The following NR5A2 variants were observed in gnomAD, a reference collection of about 807,000 sequenced individuals.
NR5A2 encodes the protein CYP7A promoter-binding factor.
A neutral mutation model predicts 62.7 loss-of-function variants in NR5A2; 26 were observed. The observed-to-expected ratio is 0.41, with a 90% CI of 0.30 to 0.58. NR5A2 has a LOEUF of 0.58. Ranked by LOEUF, NR5A2 falls within the 20% of genes least tolerant of loss-of-function variation. NR5A2 has a pLI of 0.22. For missense variants in NR5A2, 541 were observed against 669.1 expected (o/e 0.81, Z 2.11); for synonymous variants, 246 against 241.7 (o/e 1.02, Z -0.16).
At chr1:200,073,216 T>A (rs896551544) in intron 5 of NR5A2, among the ~76,000 whole-genome samples, 7 of 145,588 alleles carry the variant, frequency 4.8e-5, no homozygotes, top group African/African-American at 1.5e-4. Context: ...TCTATGACTT[T>A]GGTCAAAGCA....
At chr1:200,069,064 CTG>C (rs1376793863) in intron 5 of NR5A2, among the ~76,000 whole-genome samples, 1 of 152,138 alleles carries the variant, frequency 6.6e-6, no homozygotes, top group African/African-American at 2.4e-5. Flanking sequence ...ATTAGACACT[CTG>C]TGGTTATTCA....
chr1:200,038,755 G>A (rs2102143055), intron 1 of NR5A2: 1 of 1,365,260 alleles, frequency 7.3e-7, no homozygotes, highest in South Asian at 1.1e-5. Flanking sequence ...CTCAGACAGA[G>A]GTCGCTTCTG....
intron 5 of NR5A2, among the ~76,000 whole-genome samples, chr1:200,052,711 G>T (rs1463204505): frequency 2.6e-5 from 4 of 151,368 alleles, no homozygotes; most frequent in East Asian, 3.9e-4. Context: ...GTGCGATCTT[G>T]GCTCATTGCA....
At chr1:200,072,869 T>G (rs1333931623) in intron 5 of NR5A2, among the ~76,000 whole-genome samples, 2 of 152,136 alleles carry the variant, frequency 1.3e-5, no homozygotes, top group African/African-American at 4.8e-5. Flanking sequence ...GCATAGGAAA[T>G]GTTTCTAGCA....
chr1:200,032,735 C>T (rs955108369), intron 1 of NR5A2, among the ~76,000 whole-genome samples: 8 of 152,022 alleles, frequency 5.3e-5, no homozygotes, highest in Admixed American at 5.2e-4. Context: ...ATAAAGTTTA[C>T]TTTGTTAACC....
chr1:200,168,081 T>G (rs1653990292), intron 7 of NR5A2, among the ~76,000 whole-genome samples: 1 of 152,208 alleles, frequency 6.6e-6, no homozygotes. Flanking sequence ...GTGTATACAT[T>G]GTGTATACAC....
chr1:200,033,694 C>G (rs1661632946), intron 1 of NR5A2, among the ~76,000 whole-genome samples: 1 of 152,236 alleles, frequency 6.6e-6, no homozygotes, highest in East Asian at 1.9e-4. Flanking sequence ...CCTTGGCACA[C>G]ACTGTACACC....
At chr1:200,094,166 C>G (rs1329741439) in intron 5 of NR5A2, among the ~76,000 whole-genome samples, 1 of 144,516 alleles carries the variant, frequency 6.9e-6, no homozygotes, top group East Asian at 2.1e-4. Flanking sequence ...GAGACGCTGT[C>G]TCAAAAAAAA....
At chr1:200,083,452 A>G (rs1219892150) in intron 5 of NR5A2, among the ~76,000 whole-genome samples, 2 of 152,226 alleles carry the variant, frequency 1.3e-5, no homozygotes, top group Admixed American at 6.5e-5. Context: ...ATATATGTGT[A>G]CATTTTAAAA....
chr1:200,074,503 C>T (rs906751233), intron 5 of NR5A2, among the ~76,000 whole-genome samples: 4 of 151,492 alleles, frequency 2.6e-5, no homozygotes, highest in African/African-American at 9.7e-5. Flanking sequence ...TTTGGGAGGC[C>T]GAGGCGGGCA....
At chr1:200,120,061 T>C (rs917511756) in intron 6 of NR5A2, among the ~76,000 whole-genome samples, 2 of 152,154 alleles carry the variant, frequency 1.3e-5, no homozygotes, top group African/African-American at 4.8e-5. Flanking sequence ...AGAATAGCAG[T>C]TTTATGTCAT....
intron 5 of NR5A2, among the ~76,000 whole-genome samples, chr1:200,049,795 G>T (rs1662542089): frequency 6.6e-6 from 1 of 152,180 alleles, no homozygotes; most frequent in African/African-American, 2.4e-5. Context: ...TAAAATTTCT[G>T]AGAGAAGGAA....
intron 5 of NR5A2, among the ~76,000 whole-genome samples, chr1:200,092,703 G>GAAA (rs3838441): frequency 0.044 from 6,497 of 146,454 alleles, 451 homozygotes; most frequent in African/African-American, 0.15. Context: ...CAGTTAGTCA[G>GAAA]AAAAAAAAAA....
intron 5 of NR5A2, among the ~76,000 whole-genome samples, chr1:200,110,898 A>G (rs1665910075): frequency 6.6e-6 from 1 of 152,130 alleles, no homozygotes; most frequent in Non-Finnish European, 1.5e-5. Context: ...CCTAACTCTA[A>G]TAGCTCTATT....
chr1:200,163,168 T>G (rs773510150), intron 7 of NR5A2, among the ~76,000 whole-genome samples: 2 of 151,220 alleles, frequency 1.3e-5, no homozygotes, highest in Non-Finnish European at 2.9e-5. Context: ...TATAATGGAG[T>G]TTGTGCTTTT....
chr1:200,051,868 T>C (rs1348283004), intron 5 of NR5A2, among the ~76,000 whole-genome samples: 1 of 151,998 alleles, frequency 6.6e-6, no homozygotes, highest in Non-Finnish European at 1.5e-5. Flanking sequence ...TGACCCACAG[T>C]AGGAAATGTA....
chr1:200,082,684 TATTA>T (rs1357049044), intron 5 of NR5A2, among the ~76,000 whole-genome samples: 6 of 152,284 alleles, frequency 3.9e-5, no homozygotes, highest in African/African-American at 7.2e-5. Context: ...GATTTTAGTA[TATTA>T]ATTAAGGGAG....
intron 7 of NR5A2, 124 bp from the exon 8 acceptor site, chr1:200,173,839 G>A: frequency 1.0e-6 from 1 of 996,558 alleles, no homozygotes; most frequent in Non-Finnish European, 1.4e-6. Flanking sequence ...TGAATATTCA[G>A]CAGCATGTAA....
At position 200,039,548 on chromosome 1, in the gene NR5A2, C is replaced by T. The variant is rs1661954034; in HGVS notation, c.65-110C>T. 2.0e-6 allele frequency: 3 copies of T among 1,525,214 alleles called. No homozygotes were observed. Among genetic ancestry groups the T allele is most frequent in the South Asian group, 2.4e-5 (2 of 84,180 alleles). 94.5% of individuals were successfully genotyped at this position (1,525,214 alleles called of 1,614,324 possible). A position where few individuals can be genotyped will look rare whatever the true frequency, so the allele number is the denominator to read the frequency against. Reference sequence around the variant, plus strand: ...GGCTCAGAGGTCCTGCCCGGCAGCCCCGAGGAGGCGGAGGCACGCTCCGGC... The same window carrying T: ...GGCTCAGAGGTCCTGCCCGGCAGCCTCGAGGAGGCGGAGGCACGCTCCGGC... On this transcript the variant is annotated intron_variant, in intron 1 of 7. Transcript: ENST00000367362. The surrounding 1 kb of genome is among the most constrained non-coding windows in gnomAD (Gnocchi z 5.1).
Sources: allele counts gnomAD v4.1 joint callset (sites outside exome capture counted in the v4.1 genomes callset), GRCh38; gene constraint gnomAD v4.1.1; non-coding constraint Gnocchi (gnomAD v3.1); transcripts MANE v1.5; gene names NCBI Gene and HGNC (gene_info 2026-07-23, HGNC 2026-07-21).